Variants in ATAD2 observed in about 807,000 individuals in gnomAD.
ATAD2 encodes ATPase family AAA domain-containing protein 2.
ATAD2 carries 62 observed loss-of-function variants against 168.9 expected under a neutral mutation model. The ratio of observed to expected loss-of-function variants is 0.37; its 90% CI spans 0.30 to 0.45. The LOEUF (loss-of-function observed/expected upper bound fraction) is 0.45. Among genes scored for constraint, ATAD2 ranks in the 20% least tolerant of loss-of-function variants. The pLI is 1.00. For missense variants in ATAD2, 1,419 were observed against 1,667.8 expected (o/e 0.85, Z 2.60); for synonymous variants, 613 against 571.6 (o/e 1.07, Z -1.03).
intron 1 of ATAD2, among the ~76,000 whole-genome samples, chr8:123,392,897 T>C (rs1012015177): frequency 6.6e-6 from 1 of 152,174 alleles, no homozygotes; most frequent in African/African-American, 2.4e-5. Flanking sequence ...AAAGATTCAC[T>C]GCATTTGCTG....
intron 26 of ATAD2, among the ~76,000 whole-genome samples, chr8:123,324,620 G>A (rs978287341): frequency 6.6e-6 from 1 of 152,246 alleles, no homozygotes. Context: ...CAAATGATCA[G>A]AAAAACCCTG....
upstream of ATAD2, chr8:123,400,751 T>C: frequency 1.3e-6 from 1 of 776,738 alleles, no homozygotes; most frequent in Middle Eastern, 3.6e-4. The surrounding 1 kb of genome is among the most constrained non-coding windows in gnomAD (Gnocchi z 4.5). Context: ...ACCTGGAAGA[T>C]CACGCTGAAG....
At chr8:123,338,420 CAA>C (rs1445520056) in intron 20 of ATAD2, among the ~76,000 whole-genome samples, 2 of 150,818 alleles carry the variant, frequency 1.3e-5, no homozygotes, top group Non-Finnish European at 2.9e-5. Flanking sequence ...ATTTCCAGGA[CAA>C]AAATATTCTA....
intron 1 of ATAD2, among the ~76,000 whole-genome samples, chr8:123,408,984 C>T (rs140479298): frequency 0.012 from 1,880 of 152,124 alleles, 39 homozygotes; most frequent in African/African-American, 0.043. Context: ...CGTGCCACCA[C>T]GCCTAGCTAA....
At chr8:123,343,129 C>T (rs1343990992) in intron 19 of ATAD2, among the ~76,000 whole-genome samples, 1 of 152,030 alleles carries the variant, frequency 6.6e-6, no homozygotes, top group Non-Finnish European at 1.5e-5. Flanking sequence ...GGATTACGGG[C>T]ACACATCACC....
intron 1 of ATAD2, among the ~76,000 whole-genome samples, chr8:123,385,837 G>A (rs891393327): frequency 4.0e-5 from 6 of 151,436 alleles, no homozygotes; most frequent in African/African-American, 1.5e-4. Flanking sequence ...AATATTTAAA[G>A]AACTCCTTTG....
chr8:123,328,260 G>T lies in ATAD2; in HGVS notation c.3798C>A (p.Asp1266Glu). ...RKTTACTELR[D>E]KIACNGDASS... ...AAGCATCTCCATTACAAGCAATCTT[G>T]TCTCTCAATTCTGTACATGCTGTAG... Residue 1266 changes from aspartate to glutamate, a missense_variant, in exon 25 of 28, where the codon GAC becomes GAA. By Grantham distance (45) the Asp-to-Glu change is conservative. Around this residue, in one of 5 missense-constraint regions of ATAD2, gnomAD observed 303 missense variants for 304.3 expected, o/e 1.00. Coordinates refer to ENST00000287394, the MANE Select transcript of ATAD2 (RefSeq NM_014109.4). 1 of 1,524,980 alleles carries T rather than the reference G, an allele frequency of 6.6e-7. No homozygotes were observed. The highest frequency in any genetic ancestry group is 8.8e-7 in the Non-Finnish European group (1 of 1,139,696). The allele number at this position is 1,524,980 out of a possible 1,614,324, so 94.5% of individuals were successfully genotyped here. A position where few individuals can be genotyped will look rare whatever the true frequency, so the allele number is the denominator to read the frequency against.
In ATAD2 at chr8:123,403,526, T is replaced by C. The variant is rs56071873; in HGVS notation, c.-2281-2351A>G. On this transcript the variant is annotated intron_variant, in intron 1 of 28. Transcript: ENST00000521903. ...ATCACAGCTTGCTACAACCTCGAAC[T>C]CCTGGATTCAACCAATCCTCCCACC... 3.3e-3 allele frequency among the ~76,000 whole-genome samples: 506 copies of C among 151,842 alleles called. 7 individuals are homozygous for C. Among genetic ancestry groups the C allele is most frequent in the African/African-American group, 0.012 (485 of 41,414 alleles).
At chr8:123,404,553 C>T (rs1813044093) in intron 1 of ATAD2, among the ~76,000 whole-genome samples, 1 of 151,462 alleles carries the variant, frequency 6.6e-6, no homozygotes, top group Admixed American at 6.6e-5. Context: ...AGTCTCTCCC[C>T]ACTTTCTCTC....
chr8:123,339,401 G>A lies in ATAD2; in HGVS notation c.2764C>T (p.Gln922Ter). 3 of 1,597,234 alleles carry A rather than the reference G, an allele frequency of 1.9e-6. No homozygotes were observed. Among genetic ancestry groups the A allele is most frequent in the Non-Finnish European group, 2.6e-6 (3 of 1,172,604 alleles). The change falls in exon 20 of 28, where the codon CAG becomes TAG. Residue 922 changes from glutamine (Q) to a stop codon, truncating the protein, a stop_gained. Coordinates refer to ENST00000287394, the MANE Select transcript of ATAD2 (RefSeq NM_014109.4). LOFTEE classifies it high-confidence loss of function. ...GTCCGTTCTTCTTTATCCGGTAACT[G>A]GACATTAAAAATCTCTCCATAATCA... ...IRDYGEIFNV[Q>*]LPDKEERTKF...
intron 9 of ATAD2, among the ~76,000 whole-genome samples, chr8:123,361,231 C>G (rs900722945): frequency 6.6e-6 from 1 of 150,896 alleles, no homozygotes; most frequent in African/African-American, 2.4e-5. Context: ...GCAGGAGAGT[C>G]GTGTGAACCC....
chr8:123,336,842 A>G (rs1354000777), intron 21 of ATAD2, among the ~76,000 whole-genome samples: 3 of 152,014 alleles, frequency 2.0e-5, no homozygotes, highest in Non-Finnish European at 2.9e-5. Context: ...GTGGCTCTCC[A>G]GGTCTCTTCC....
At chr8:123,374,399 A>G (rs866871470) in intron 2 of ATAD2, among the ~76,000 whole-genome samples, 10 of 152,204 alleles carry the variant, frequency 6.6e-5, no homozygotes, top group African/African-American at 2.4e-4. Context: ...ATCTACAGGT[A>G]AAGGCTTAGT....
intron 1 of ATAD2, among the ~76,000 whole-genome samples, chr8:123,381,726 T>TACAAACAAAACAAA (rs1379593819): frequency 1.3e-5 from 2 of 151,958 alleles, no homozygotes; most frequent in Non-Finnish European, 2.9e-5. Context: ...GTATCTAAAA[T>TACAAACAAAACAAA]ACAAACAAAA....
chr8:123,361,422 C>A (rs1828818242), intron 9 of ATAD2, 117 bp downstream of exon 9: 6 of 674,212 alleles, frequency 8.9e-6, no homozygotes, highest in Middle Eastern at 4.0e-4. Flanking sequence ...TATACATTAA[C>A]CTGTTGTGCA....
At chr8:123,386,439 G>C (rs1204165464) in intron 1 of ATAD2, among the ~76,000 whole-genome samples, 1 of 152,142 alleles carries the variant, frequency 6.6e-6, no homozygotes, top group Non-Finnish European at 1.5e-5. Context: ...ATTAGTCTAG[G>C]AATATGAGAT....
chr8:123,350,455 C>CA (rs1828413886), intron 13 of ATAD2, among the ~76,000 whole-genome samples: 2 of 152,180 alleles, frequency 1.3e-5, no homozygotes, highest in African/African-American at 4.8e-5. Context: ...CTGATTGTCT[C>CA]AAAATACCTG....
Position 123,340,828 on chromosome 8 carries a change from G to C in ATAD2, c.2719-1382C>G, listed in dbSNP as rs184411731. On this transcript the variant is annotated intron_variant, in intron 19 of 27. Coordinates refer to ENST00000287394, the MANE Select transcript of ATAD2 (RefSeq NM_014109.4). ...GGGAATTACCGTTAATAGGTACAGA[G>C]TTTCTGCTTGGGATAACAAGAAAGA... 1.2e-3 allele frequency among the ~76,000 whole-genome samples: 184 copies of C among 152,234 alleles called. 1 individual carries two copies. Among genetic ancestry groups the C allele is most frequent in the Admixed American group, 3.6e-3 (55 of 15,276 alleles).
In ATAD2 at chr8:123,347,022, T is replaced by C. The variant is rs979419678; in HGVS notation, c.2212+70A>G. ...AGATTCTTTTACAAATAAATATTTC[T>C]GGTATGTATGAAACATTTCACTTTA... On this transcript the variant is annotated intron_variant, in intron 16 of 27. Transcript: ENST00000287394. 51 of 1,400,152 alleles carry C rather than the reference T, an allele frequency of 3.6e-5. No individual in the cohort carries two copies. In the African/African-American group the frequency reaches 6.5e-4, roughly 18 times the overall value. 86.7% of individuals were successfully genotyped at this position (1,400,152 alleles called of 1,614,324 possible).
Sources: gnomAD v4.1 joint callset for allele counts (sites outside exome capture counted in the v4.1 genomes callset) on GRCh38, gnomAD v4.1.1 for gene constraint, gnomAD v4.1.1 regional missense constraint, Gnocchi (gnomAD v3.1) non-coding constraint, MANE v1.5 for transcripts, NCBI Gene and HGNC (gene_info 2026-07-23, HGNC 2026-07-21) for gene names.